Variants in EIF3J observed in about 807,000 individuals in gnomAD.
EIF3J encodes the protein eukaryotic translation initiation factor 3, subunit 1 (alpha, 35kD).
A neutral mutation model predicts 39.0 loss-of-function variants in EIF3J; 15 were observed. That is an observed-to-expected ratio of 0.38 (90% CI 0.26 to 0.59). EIF3J has a LOEUF of 0.59. Ranked by LOEUF, EIF3J falls within the 20% of genes least tolerant of loss-of-function variation. The pLI, the probability that EIF3J is intolerant of heterozygous loss-of-function variation, is 0.60. For missense variants in EIF3J, 226 were observed against 308.6 expected (o/e 0.73, Z 2.00); for synonymous variants, 98 against 112.9 (o/e 0.87, Z 0.84).
intron 6 of EIF3J, among the ~76,000 whole-genome samples, chr15:44,559,907 T>C (rs1310094508): frequency 6.6e-6 from 1 of 152,110 alleles, no homozygotes; most frequent in Non-Finnish European, 1.5e-5. Flanking sequence ...CAGGTCGTCA[T>C]TATAAATAAA....
At position 44,561,919 on chromosome 15, in the gene EIF3J, G is replaced by C. The variant is rs1470434469; in HGVS notation, c.*770G>C. 1 of 152,568 alleles carries C rather than the reference G, an allele frequency of 6.6e-6. No individual in the cohort carries two copies. Among genetic ancestry groups the C allele is most frequent in the African/African-American group, 2.4e-5 (1 of 41,428 alleles). The allele number at this position is 152,568 out of a possible 1,614,324, so 9.5% of individuals were successfully genotyped here. A position where few individuals can be genotyped will look rare whatever the true frequency, so the allele number is the denominator to read the frequency against. On this transcript the variant is annotated 3_prime_UTR_variant, in exon 8 of 8. Coordinates refer to ENST00000261868, the MANE Select transcript of EIF3J (RefSeq NM_003758.4). ...AATCTTTGTTCTCTTAGGCTGCAAT[G>C]GAACAACTTTACCAGGGTTTTGGCA...
intron 2 of EIF3J, 30 bp downstream of exon 2, chr15:44,537,457 C>T: frequency 2.0e-6 from 3 of 1,494,144 alleles, no homozygotes; most frequent in Non-Finnish European, 2.7e-6. Context: ...CCGGGCAGCG[C>T]GGAAGCGGGC....
intron 2 of EIF3J, 36 bp downstream of exon 2, chr15:44,537,463 C>T: frequency 1.4e-6 from 2 of 1,470,340 alleles, no homozygotes; most frequent in South Asian, 1.4e-5. Flanking sequence ...AGCGCGGAAG[C>T]GGGCTGGCGC....
At chr15:44,550,279 A>G (rs934151070) in intron 2 of EIF3J, among the ~76,000 whole-genome samples, 3 of 152,150 alleles carry the variant, frequency 2.0e-5, no homozygotes, top group South Asian at 2.1e-4. Flanking sequence ...AAAAAAGCCA[A>G]TAGTCATTTT....
intron 2 of EIF3J, among the ~76,000 whole-genome samples, chr15:44,549,250 A>C (rs1296535300): frequency 6.6e-6 from 1 of 151,950 alleles, no homozygotes; most frequent in Non-Finnish European, 1.5e-5. Flanking sequence ...AAAGTTAGCC[A>C]GGCATGGTGG....
intron 2 of EIF3J, among the ~76,000 whole-genome samples, chr15:44,544,269 T>C (rs2082035444): frequency 6.6e-6 from 1 of 151,674 alleles, no homozygotes; most frequent in Non-Finnish European, 1.5e-5. Flanking sequence ...TAATTTTTTT[T>C]GTATTTTTAG....
At chr15:44,555,215 AATAG>A (rs1404243592) in intron 5 of EIF3J, among the ~76,000 whole-genome samples, 1 of 152,162 alleles carries the variant, frequency 6.6e-6, no homozygotes, top group Non-Finnish European at 1.5e-5. Flanking sequence ...GGATCCTATA[AATAG>A]ATAAATTCAG....
intron 2 of EIF3J, among the ~76,000 whole-genome samples, chr15:44,549,579 CCAACAT>C (rs1480234684): frequency 6.6e-6 from 1 of 151,672 alleles, no homozygotes; most frequent in African/African-American, 2.4e-5. Context: ...ACCAGTGTGA[CCAACAT>C]GGTGAAATCC....
chr15:44,542,935 A>T (rs1237866283), intron 2 of EIF3J, among the ~76,000 whole-genome samples: 1 of 152,236 alleles, frequency 6.6e-6, no homozygotes, highest in Non-Finnish European at 1.5e-5. Flanking sequence ...CTTGAACCAA[A>T]TAACCATTTA....
At chr15:44,551,044 C>T (rs776180072) in intron 3 of EIF3J, 114 bp downstream of exon 3, 2 of 1,436,704 alleles carry the variant, frequency 1.4e-6, no homozygotes, top group Admixed American at 5.3e-5. Flanking sequence ...TATTTAGAAA[C>T]CAAGTGTCCT....
chr15:44,549,784 A>AC (rs1263284719), intron 2 of EIF3J, among the ~76,000 whole-genome samples: 3 of 150,370 alleles, frequency 2.0e-5, no homozygotes, highest in African/African-American at 7.3e-5. Flanking sequence ...AAAAAAAAAA[A>AC]AAAAAACCAT....
intron 4 of EIF3J, among the ~76,000 whole-genome samples, chr15:44,551,940 C>T (rs959298882): frequency 2.0e-5 from 3 of 152,020 alleles, no homozygotes; most frequent in African/African-American, 7.2e-5. Context: ...AGCCATTCCC[C>T]TGCCTCAGCC....
chr15:44,549,827 G>A (rs143100099), intron 2 of EIF3J, among the ~76,000 whole-genome samples: 1 of 151,064 alleles, frequency 6.6e-6, no homozygotes, highest in East Asian at 1.9e-4. Flanking sequence ...AGGCATGGTG[G>A]TGTATGCCTG....
chr15:44,551,297 T>A, intron 3 of EIF3J, 134 bp from the exon 4 acceptor site: 1 of 655,110 alleles, frequency 1.5e-6, no homozygotes, highest in African/African-American at 1.8e-5. Context: ...AAGTTTCCCA[T>A]TATTTGTGAG....
intron 5 of EIF3J, among the ~76,000 whole-genome samples, 153 bp downstream of exon 5, chr15:44,554,820 A>C (rs1484371334): frequency 6.6e-6 from 1 of 152,258 alleles, no homozygotes; most frequent in Non-Finnish European, 1.5e-5. Flanking sequence ...TTGAGATTTC[A>C]TTACATGTTC....
intron 2 of EIF3J, among the ~76,000 whole-genome samples, chr15:44,550,100 A>C (rs1418258730): frequency 6.6e-6 from 1 of 152,212 alleles, no homozygotes; most frequent in Non-Finnish European, 1.5e-5. Flanking sequence ...CTAGAGGTTT[A>C]GCTGGCCCAA....
chr15:44,557,408 A>G, intron 5 of EIF3J, 81 bp from the exon 6 acceptor site: 1 of 1,071,868 alleles, frequency 9.3e-7, no homozygotes, highest in Non-Finnish European at 1.3e-6. Flanking sequence ...AGGGTTATTC[A>G]GATAGCTATT....
At chr15:44,542,472 A>G (rs1036251491) in intron 2 of EIF3J, among the ~76,000 whole-genome samples, 1 of 152,204 alleles carries the variant, frequency 6.6e-6, no homozygotes, top group Non-Finnish European at 1.5e-5. Flanking sequence ...AGCTACTTCT[A>G]TTTGACAATC....
chr15:44,551,549 A>AT, intron 4 of EIF3J, 27 bp downstream of exon 4: 1 of 1,522,842 alleles, frequency 6.6e-7, no homozygotes, highest in Non-Finnish European at 8.9e-7. Context: ...AAAATACAGA[A>AT]TTCTCACATC....
Sources: gnomAD v4.1 joint callset for allele counts (sites outside exome capture counted in the v4.1 genomes callset) on GRCh38, gnomAD v4.1.1 for gene constraint, MANE v1.5 for transcripts, NCBI Gene and HGNC (gene_info 2026-07-23, HGNC 2026-07-21) for gene names.